LTAP1: variants seen among roughly 807,000 people sequenced by gnomAD.
LTAP1 encodes lipid transport auxiliary protein 1, also known as HCV NS5A-transactivated protein 4.
chr1:154,219,876 C>T, the LTAP1 span: 2 of 1,613,842 alleles, frequency 1.2e-6, no homozygotes, highest in Admixed American at 1.7e-5. Flanking sequence ...AGGTCCCCTT[C>T]GAGATTTCAT....
At chr1:154,207,255 G>A in the LTAP1 span, 13 of 506,988 alleles carry the variant, frequency 2.6e-5, no homozygotes, top group African/African-American at 1.8e-4. Flanking sequence ...CTTAGCCAAT[G>A]TTCTAAAAAT....
the LTAP1 span, among the ~76,000 whole-genome samples, chr1:154,211,187 T>G: frequency 6.6e-6 from 1 of 151,634 alleles, no homozygotes; most frequent in East Asian, 1.9e-4. Context: ...GTATTTTCAG[T>G]AAAGACGAGG....
At chr1:154,214,578 T>C in the LTAP1 span, 28 of 1,583,510 alleles carry the variant, frequency 1.8e-5, no homozygotes, top group African/African-American at 1.6e-4. Flanking sequence ...TCAAGTCCTG[T>C]TCACATAAAA....
the LTAP1 span, among the ~76,000 whole-genome samples, chr1:154,209,529 G>A: frequency 6.7e-6 from 1 of 150,250 alleles, no homozygotes; most frequent in African/African-American, 2.5e-5. Context: ...AGGCACAAGT[G>A]GTACACGCAC....
chr1:154,213,033 GC>G, the LTAP1 span: 2 of 189,314 alleles, frequency 1.1e-5, no homozygotes, highest in African/African-American at 4.7e-5. Flanking sequence ...GAAGCTGGGC[GC>G]AGTGGCTCAC....
the LTAP1 span, chr1:154,220,312 A>C: frequency 6.2e-7 from 1 of 1,613,458 alleles, no homozygotes; most frequent in South Asian, 1.1e-5. Context: ...AAGATGCGAC[A>C]GCAGGAATGG....
the LTAP1 span, among the ~76,000 whole-genome samples, chr1:154,209,349 GC>G: frequency 6.6e-6 from 1 of 150,972 alleles, no homozygotes; most frequent in East Asian, 1.9e-4. Flanking sequence ...TTTTGAACAG[GC>G]TTCTGCTGAC....
the LTAP1 span, among the ~76,000 whole-genome samples, chr1:154,211,547 G>C: frequency 6.6e-6 from 1 of 150,426 alleles, no homozygotes; most frequent in African/African-American, 2.4e-5. Context: ...TTGTTGGCTA[G>C]GATGGTCTTG....
the LTAP1 span, among the ~76,000 whole-genome samples, chr1:154,214,257 C>T: frequency 1.2e-4 from 18 of 152,072 alleles, no homozygotes; most frequent in African/African-American, 4.1e-4. Flanking sequence ...GCCTGGGCAA[C>T]AAGAGTGAAA....
chr1:154,215,194 C>T, the LTAP1 span, among the ~76,000 whole-genome samples: 4 of 152,004 alleles, frequency 2.6e-5, no homozygotes, highest in Admixed American at 6.6e-5. Context: ...ATGCACCTAG[C>T]TAGAGGCTAC....
chr1:154,207,500 A>G, the LTAP1 span: 1 of 1,614,136 alleles, frequency 6.2e-7, no homozygotes, highest in South Asian at 1.1e-5. Context: ...AAGCTCTTCA[A>G]TTCAAGGAAG....
the LTAP1 span, chr1:154,207,189 T>A: frequency 2.9e-6 from 1 of 348,302 alleles, no homozygotes; most frequent in Non-Finnish European, 5.3e-6. Flanking sequence ...GACAGAAACA[T>A]TAAGAATAAC....
chr1:154,219,987 GT>G, the LTAP1 span: 210 of 1,207,072 alleles, frequency 1.7e-4, no homozygotes, highest in Non-Finnish European at 2.1e-4. Context: ...GTTTTGTTTT[GT>G]TTTTTTTTTA....
At chr1:154,219,392 C>T in the LTAP1 span, among the ~76,000 whole-genome samples, 1 of 152,174 alleles carries the variant, frequency 6.6e-6, no homozygotes, top group Non-Finnish European at 1.5e-5. Context: ...GCCTCCTTTT[C>T]TTGGGCTTCT....
chr1:154,214,146 G>A, the LTAP1 span, among the ~76,000 whole-genome samples: 2 of 152,150 alleles, frequency 1.3e-5, no homozygotes, highest in South Asian at 2.1e-4. Context: ...GCGTGGTGGC[G>A]CATGCCTGTA....
chr1:154,220,269 G>A, the LTAP1 span: 2 of 1,548,290 alleles, frequency 1.3e-6, no homozygotes, highest in Non-Finnish European at 1.8e-6. Context: ...AATGCAGACG[G>A]GGTACAGCTC....
the LTAP1 span, chr1:154,212,364 A>C: frequency 6.2e-7 from 1 of 1,614,156 alleles, no homozygotes; most frequent in East Asian, 2.2e-5. Context: ...GTAGGTACTC[A>C]TTCTGGCCAA....
At chr1:154,212,874 T>C in the LTAP1 span, 2 of 452,572 alleles carry the variant, frequency 4.4e-6, no homozygotes, top group African/African-American at 4.0e-5. Context: ...GGTTTCACCT[T>C]GTTGGCTAGG....
chr1:154,210,116 G>A, the LTAP1 span, among the ~76,000 whole-genome samples: 2 of 152,090 alleles, frequency 1.3e-5, no homozygotes, highest in African/African-American at 4.8e-5. Flanking sequence ...TCGGCTCACT[G>A]CAACCTCTGC....
Sources: gnomAD v4.1 joint callset for allele counts (sites outside exome capture counted in the v4.1 genomes callset) on GRCh38, gnomAD v4.1.1 for gene constraint, MANE v1.5 for transcripts, NCBI Gene and HGNC (gene_info 2026-07-23, HGNC 2026-07-21) for gene names.